AGAP1: variants seen among roughly 807,000 people sequenced by gnomAD.
AGAP1 encodes arf-GAP with GTPase, ANK repeat and PH domain-containing protein 1.
AGAP1 carries 29 observed loss-of-function variants against 105.3 expected under a neutral mutation model. That is an observed-to-expected ratio of 0.28 (90% CI 0.21 to 0.38). The LOEUF (loss-of-function observed/expected upper bound fraction) is 0.38, where lower values mean the gene tolerates loss of function less well. Ranked by LOEUF, AGAP1 falls within the 10% of genes least tolerant of loss-of-function variation. AGAP1 has a pLI of 1.00. For missense variants in AGAP1, 998 were observed against 1,165.1 expected (o/e 0.86, Z 2.09); for synonymous variants, 509 against 485.9 (o/e 1.05, Z -0.63).
chr2:236,084,402 A>G (rs1210783658), intron 16 of AGAP1, among the ~76,000 whole-genome samples: 2 of 152,156 alleles, frequency 1.3e-5, no homozygotes, highest in Non-Finnish European at 2.9e-5. Flanking sequence ...TTCGTACTCT[A>G]CTTTTGGAAG....
intron 9 of AGAP1, among the ~76,000 whole-genome samples, chr2:235,846,358 C>CT (rs1214731107): frequency 6.6e-6 from 1 of 152,180 alleles, no homozygotes; most frequent in Non-Finnish European, 1.5e-5. Context: ...GAATCTCACT[C>CT]TGTCACCCAG....
chr2:236,102,200 A>C (rs377613433), intron 16 of AGAP1, among the ~76,000 whole-genome samples: 1 of 151,870 alleles, frequency 6.6e-6, no homozygotes, highest in Non-Finnish European at 1.5e-5. Flanking sequence ...GGCGGATCAC[A>C]AGGTCAGGAG....
At position 235,879,283 on chromosome 2, in the gene AGAP1, C is replaced by T. The variant is rs181181841; in HGVS notation, c.1051-4062C>T. Among the ~76,000 whole-genome samples, 5 of 152,300 alleles carry T rather than the reference C, an allele frequency of 3.3e-5. No individual in the cohort carries two copies. Among genetic ancestry groups the T allele is most frequent in the Non-Finnish European group, 7.3e-5 (5 of 68,034 alleles). ...CTCCAGCCACTGAAAGAAAAGTGCA[C>T]CTGCCCCAGCCCAGCTAGACCACAG... On this transcript the variant is annotated intron_variant, in intron 9 of 17. Transcript: ENST00000304032. This position sits in a 1 kb window ranked among gnomAD's most constrained non-coding sequence, Gnocchi z 5.0.
intron 1 of AGAP1, among the ~76,000 whole-genome samples, chr2:235,707,059 G>T (rs1231231154): frequency 6.6e-6 from 1 of 152,230 alleles, no homozygotes; most frequent in Non-Finnish European, 1.5e-5. Flanking sequence ...GCATGTTGGG[G>T]TGGTGTTTGG....
intron 1 of AGAP1, among the ~76,000 whole-genome samples, chr2:235,657,127 A>T (rs1947798873): frequency 6.6e-6 from 1 of 152,210 alleles, no homozygotes; most frequent in Non-Finnish European, 1.5e-5. Context: ...TCTGCTTCTT[A>T]CAGTTGGAAG....
At chr2:235,821,362 A>G (rs920220644) in intron 9 of AGAP1, among the ~76,000 whole-genome samples, 1 of 151,334 alleles carries the variant, frequency 6.6e-6, no homozygotes, top group Non-Finnish European at 1.5e-5. Context: ...GAACTGGGGT[A>G]GGTTTAAAGC....
At chr2:235,902,837 G>A (rs1362425921) in intron 10 of AGAP1, among the ~76,000 whole-genome samples, 1 of 152,210 alleles carries the variant, frequency 6.6e-6, no homozygotes, top group African/African-American at 2.4e-5. Flanking sequence ...TCATACCTGA[G>A]AAAATGAAGA....
At chr2:235,756,277 C>T (rs1331616124) in intron 6 of AGAP1, among the ~76,000 whole-genome samples, 8 of 152,098 alleles carry the variant, frequency 5.3e-5, no homozygotes, top group Non-Finnish European at 7.4e-5. Context: ...TCTGTTCAAT[C>T]GGGGAGACAG....
In AGAP1 at chr2:235,719,637, C is replaced by T. The variant is rs1951284830; in HGVS notation, c.310+1993C>T. ...GCGTGGGTGAGTACCTTCCTTTCTTCATCTGCAAAGTGGAAGTAGCTCATC... is the reference window on the plus strand; with the variant it reads ...GCGTGGGTGAGTACCTTCCTTTCTTTATCTGCAAAGTGGAAGTAGCTCATC... On this transcript the variant is annotated intron_variant, in intron 3 of 17. Coordinates refer to ENST00000304032, the MANE Select transcript of AGAP1 (RefSeq NM_001037131.3). The surrounding 1 kb of genome is among the most constrained non-coding windows in gnomAD (Gnocchi z 4.9). Among the ~76,000 whole-genome samples, 1 of 152,220 alleles carries T rather than the reference C, an allele frequency of 6.6e-6. No homozygotes were observed. The highest frequency in any genetic ancestry group is 1.5e-5 in the Non-Finnish European group (1 of 68,038).
chr2:235,676,472 A>G (rs1948742539), intron 1 of AGAP1, among the ~76,000 whole-genome samples: 1 of 152,212 alleles, frequency 6.6e-6, no homozygotes, highest in South Asian at 2.1e-4. Context: ...GAGTTAATGA[A>G]GGCCTCACAG....
chr2:236,031,099 C>G (rs1021026750), intron 13 of AGAP1, among the ~76,000 whole-genome samples: 3 of 152,126 alleles, frequency 2.0e-5, no homozygotes, highest in African/African-American at 7.2e-5. Flanking sequence ...TGAGAAACAT[C>G]CACAGGCATT....
chr2:235,980,821 C>G (rs749513100), intron 13 of AGAP1, among the ~76,000 whole-genome samples: 1 of 152,174 alleles, frequency 6.6e-6, no homozygotes, highest in South Asian at 2.1e-4. Flanking sequence ...CCCATTGTTT[C>G]CTCCCTCCCC....
intron 5 of AGAP1, among the ~76,000 whole-genome samples, chr2:235,748,930 T>C (rs1226858256): frequency 6.6e-6 from 1 of 152,214 alleles, no homozygotes; most frequent in Non-Finnish European, 1.5e-5. Context: ...CTCTGAAGGC[T>C]GGGCGCAGTG....
intron 14 of AGAP1, among the ~76,000 whole-genome samples, chr2:236,037,888 G>GATT (rs2057430094): frequency 1.3e-5 from 2 of 152,144 alleles, no homozygotes; most frequent in Admixed American, 1.3e-4. Flanking sequence ...TAGAAACTAA[G>GATT]AGAAAGGATG....
intron 1 of AGAP1, among the ~76,000 whole-genome samples, chr2:235,590,417 A>G (rs1006339171): frequency 2.0e-5 from 3 of 152,034 alleles, no homozygotes; most frequent in Non-Finnish European, 4.4e-5. Context: ...TCCTAGGGAT[A>G]TGGAAGGAGG....
At chr2:236,102,169 G>A (rs2059365231) in intron 16 of AGAP1, among the ~76,000 whole-genome samples, 3 of 152,178 alleles carry the variant, frequency 2.0e-5, no homozygotes, top group Admixed American at 2.0e-4. Context: ...TGTAATCCCA[G>A]CACTTTGGGA....
intron 1 of AGAP1, among the ~76,000 whole-genome samples, chr2:235,696,981 A>T (rs1314503994): frequency 6.7e-6 from 1 of 149,226 alleles, no homozygotes; most frequent in Non-Finnish European, 1.5e-5. Flanking sequence ...TGGAGACTCG[A>T]TCTCAAAAAA....
At position 235,973,600 on chromosome 2, in the gene AGAP1, A is replaced by T. The variant is rs2054742290; in HGVS notation, c.1645+4977A>T. ...AGGATGAGGGCCATGAGGCATGGTG[A>T]CTGTGACCAGCTGATGGAAGGTTTG... On this transcript the variant is annotated intron_variant, in intron 13 of 17. Transcript: ENST00000304032. This position sits in a 1 kb window ranked among gnomAD's most constrained non-coding sequence, Gnocchi z 4.7. Among the ~76,000 whole-genome samples the T allele has an allele frequency of 6.6e-6, 1 of 152,160 alleles. No homozygotes were observed. Among genetic ancestry groups the T allele is most frequent in the African/African-American group, 2.4e-5 (1 of 41,426 alleles).
At position 235,572,980 on chromosome 2, in the gene AGAP1, T is replaced by C. The variant is rs1308580854; in HGVS notation, c.163+78131T>C. Among the ~76,000 whole-genome samples, 9 of 25,786 alleles carry C rather than the reference T, an allele frequency of 3.5e-4. 1 individual carries two copies. Among genetic ancestry groups the C allele is most frequent in the Admixed American group, 2.0e-3 (6 of 2,964 alleles). The allele number at this position is 25,786 out of a possible 152,430, so 16.9% of individuals were successfully genotyped here. ...CTCCCCGATTGCTCCATCTTTTTTC[T>C]TCTTCTTCTTCTTCTTCTTCTTCTT... On this transcript the variant is annotated intron_variant, in intron 1 of 17. Transcript: ENST00000304032.
Sources: allele counts gnomAD v4.1 joint callset (sites outside exome capture counted in the v4.1 genomes callset), GRCh38; gene constraint gnomAD v4.1.1; non-coding constraint Gnocchi (gnomAD v3.1); transcripts MANE v1.5; gene names NCBI Gene and HGNC (gene_info 2026-07-23, HGNC 2026-07-21).